Variants in ADAMTSL3 observed in about 807,000 individuals in gnomAD.
ADAMTSL3 encodes the protein ADAMTS like 3.
In ADAMTSL3, 128 loss-of-function variants were observed where a neutral mutation model predicts 201.7. The observed-to-expected ratio is 0.63, with a 90% CI of 0.55 to 0.73. The LOEUF is 0.73. Ranked by LOEUF, ADAMTSL3 falls within the 30% of genes least tolerant of loss-of-function variation. The pLI, the probability that ADAMTSL3 is intolerant of heterozygous loss-of-function variation, is 0.00. For missense variants in ADAMTSL3, 1,990 were observed against 2,119.6 expected, an observed-to-expected ratio of 0.94 and a Z score of 1.20; for synonymous variants, 738 against 748.4, an observed-to-expected ratio of 0.99 and a Z score of 0.23.
chr15:83,829,052 G>A lies in ADAMTSL3; in HGVS notation c.600+9005G>A, dbSNP rs1284688789. On this transcript the variant is annotated intron_variant, in intron 6 of 29. Transcript: ENST00000286744. ...GATGCTGGCCTCATAAAATGAGTTA[G>A]GGAGGATTCCCTCTTTTTCTATTGA... is the stretch of plus-strand genomic sequence containing the variant. 7.9e-5 allele frequency among the ~76,000 whole-genome samples: 12 copies of A among 152,280 alleles called. No individual in the cohort carries two copies. In the South Asian group the frequency reaches 2.1e-3, roughly 26 times the overall value.
chr15:83,856,165 CT>C (rs201506032), intron 7 of ADAMTSL3, among the ~76,000 whole-genome samples: 36,217 of 141,000 alleles, frequency 0.26, 5,002 homozygotes, highest in Admixed American at 0.41. Context: ...CTTTCCTTTC[CT>C]TTTTTTTTTT....
chr15:83,894,818 C>CAT (rs72182889), intron 13 of ADAMTSL3, among the ~76,000 whole-genome samples: 6,625 of 150,484 alleles, frequency 0.044, 447 homozygotes, highest in African/African-American at 0.15. Context: ...GTCAAAATAA[C>CAT]ATATATATAT....
At chr15:83,713,669 G>T (rs572780134) in intron 3 of ADAMTSL3, among the ~76,000 whole-genome samples, 1 of 152,212 alleles carries the variant, frequency 6.6e-6, no homozygotes, top group Non-Finnish European at 1.5e-5. Context: ...GCCATGCCAG[G>T]CAAGAAAAGA....
At chr15:83,910,464 T>TG (rs2065910940) in intron 15 of ADAMTSL3, among the ~76,000 whole-genome samples, 2 of 147,664 alleles carry the variant, frequency 1.4e-5, no homozygotes, top group South Asian at 4.2e-4. Flanking sequence ...TGCCGTGGGT[T>TG]TTTTTTTTTT....
intron 4 of ADAMTSL3, among the ~76,000 whole-genome samples, chr15:83,796,545 A>G (rs1314417207): frequency 6.6e-6 from 1 of 152,270 alleles, no homozygotes; most frequent in African/African-American, 2.4e-5. Context: ...AAATCTCAAC[A>G]TCATAAACAT....
intron 9 of ADAMTSL3, among the ~76,000 whole-genome samples, chr15:83,875,283 A>G (rs534605009): frequency 7.2e-5 from 11 of 152,318 alleles, no homozygotes; most frequent in South Asian, 2.1e-4. Context: ...CCCTGAGCCA[A>G]TGTCATTCAT....
At chr15:83,982,047 T>G (rs895376286) in intron 20 of ADAMTSL3, among the ~76,000 whole-genome samples, 1 of 152,204 alleles carries the variant, frequency 6.6e-6, no homozygotes, top group Admixed American at 6.5e-5. Context: ...TTCATGCACC[T>G]CATTCACACT....
chr15:83,671,122 T>C (rs2061324665), intron 2 of ADAMTSL3, among the ~76,000 whole-genome samples: 1 of 152,176 alleles, frequency 6.6e-6, no homozygotes, highest in Non-Finnish European at 1.5e-5. Flanking sequence ...ATAAGAGATG[T>C]TGGTTTGTAC....
At chr15:83,821,395 C>T (rs1248525437) in intron 6 of ADAMTSL3, among the ~76,000 whole-genome samples, 13 of 150,594 alleles carry the variant, frequency 8.6e-5, no homozygotes, top group East Asian at 2.0e-4. Flanking sequence ...TGCGGCCTTC[C>T]GCAGTGTTTG....
chr15:84,029,388 A>T (rs994046917), intron 27 of ADAMTSL3, among the ~76,000 whole-genome samples: 1 of 152,212 alleles, frequency 6.6e-6, no homozygotes, highest in Non-Finnish European at 1.5e-5. Flanking sequence ...AGCAAAGAGA[A>T]TGGAGGCATT....
At chr15:83,827,399 T>C (rs982735980) in intron 6 of ADAMTSL3, among the ~76,000 whole-genome samples, 5 of 152,248 alleles carry the variant, frequency 3.3e-5, no homozygotes, top group Non-Finnish European at 5.9e-5. Flanking sequence ...TCTTTGTAGA[T>C]TCTGGATATT....
At chr15:83,746,390 A>G (rs1023917610) in intron 3 of ADAMTSL3, among the ~76,000 whole-genome samples, 5 of 151,754 alleles carry the variant, frequency 3.3e-5, no homozygotes, top group Non-Finnish European at 5.9e-5. Context: ...CTTATGATTC[A>G]CCACCTGGGG....
chr15:83,895,445 T>C lies in ADAMTSL3; in HGVS notation c.1468-2413T>C, dbSNP rs188128906. 4.6e-5 allele frequency among the ~76,000 whole-genome samples: 7 copies of C among 152,332 alleles called. No individual in the cohort carries two copies. The East Asian group carries it at 1.3e-3, about 29-fold the overall frequency. Reference sequence around the variant, plus strand: ...TAAATATCATGACTTTATCATTATGTATATTATCAGAATAGAGGATGTTAA... The same window carrying C: ...TAAATATCATGACTTTATCATTATGCATATTATCAGAATAGAGGATGTTAA... On this transcript the variant is annotated intron_variant, in intron 13 of 29. Coordinates refer to ENST00000286744, the MANE Select transcript of ADAMTSL3 (RefSeq NM_207517.3).
In ADAMTSL3 at chr15:83,654,607, C is replaced by T. The variant is rs2061050465; in HGVS notation, c.-34+331C>T. On this transcript the variant is annotated intron_variant, in intron 1 of 29. Coordinates refer to ENST00000286744, the MANE Select transcript of ADAMTSL3 (RefSeq NM_207517.3). The surrounding 1 kb of genome is among the most constrained non-coding windows in gnomAD (Gnocchi z 5.3). ...TGGGAGTTACTAAGCAGAAACCTCG[C>T]GGGTCCGAAGGTCCGGCCGGTTGAC... is the stretch of plus-strand genomic sequence containing the variant. 6.6e-6 allele frequency among the ~76,000 whole-genome samples: 1 copy of T among 152,122 alleles called. No homozygotes were observed.
In ADAMTSL3 at chr15:84,039,608, CAT is replaced by C. The variant is rs1162688503; in HGVS notation, c.*1807_*1808del. ...TACAGTATGTAATAAAGACATGGGA[CAT>C]ATATTTTTCTTATTAACAAAATTTC... On this transcript the variant is annotated 3_prime_UTR_variant, in exon 30 of 30. Coordinates refer to ENST00000286744, the MANE Select transcript of ADAMTSL3 (RefSeq NM_207517.3). The C allele has an allele frequency of 2.6e-5, 4 of 152,528 alleles. No individual in the cohort carries two copies. Among genetic ancestry groups the C allele is most frequent in the African/African-American group, 7.2e-5 (3 of 41,418 alleles). 9.4% of individuals were successfully genotyped at this position (152,528 alleles called of 1,614,324 possible).
At chr15:83,765,815 C>G (rs1303203196) in intron 3 of ADAMTSL3, among the ~76,000 whole-genome samples, 2 of 152,142 alleles carry the variant, frequency 1.3e-5, no homozygotes, top group Non-Finnish European at 2.9e-5. Context: ...AAAGTGCATA[C>G]TGCTTCTTTG....
chr15:84,019,416 T>A (rs1469758430), intron 25 of ADAMTSL3, among the ~76,000 whole-genome samples: 2 of 151,342 alleles, frequency 1.3e-5, no homozygotes, highest in Admixed American at 1.3e-4. Flanking sequence ...AAAAAAAAAA[T>A]GTTCACAAAA....
At chr15:83,685,951 T>C (rs912174731) in intron 2 of ADAMTSL3, among the ~76,000 whole-genome samples, 16 of 152,182 alleles carry the variant, frequency 1.1e-4, no homozygotes, top group African/African-American at 3.9e-4. Context: ...CCCCGGTACG[T>C]AGAGAAACCC....
intron 7 of ADAMTSL3, among the ~76,000 whole-genome samples, chr15:83,850,422 A>T (rs1008715179): frequency 1.3e-5 from 2 of 151,562 alleles, no homozygotes; most frequent in African/African-American, 4.8e-5. Context: ...GTATATACAT[A>T]TGTGTGTATA....
Sources: allele counts gnomAD v4.1 joint callset (sites outside exome capture counted in the v4.1 genomes callset), GRCh38; gene constraint gnomAD v4.1.1; non-coding constraint Gnocchi (gnomAD v3.1); transcripts MANE v1.5; gene names NCBI Gene and HGNC (gene_info 2026-07-23, HGNC 2026-07-21).